The following RHOBTB2 variants were observed in gnomAD, a reference collection of about 807,000 sequenced individuals.
RHOBTB2 encodes Rho related BTB domain containing 2, also known as rho-related BTB domain-containing protein 2.
RHOBTB2 carries 39 observed loss-of-function variants against 66.5 expected under a neutral mutation model. The ratio of observed to expected loss-of-function variants is 0.59; its 90% CI spans 0.45 to 0.77. The LOEUF is 0.77. Ranked by LOEUF, RHOBTB2 falls within the 30% of genes least tolerant of loss-of-function variation. RHOBTB2 has a pLI of 0.00. For synonymous variants in RHOBTB2, 390 were observed against 395.0 expected (o/e 0.99, Z 0.15); for missense variants, 755 against 999.1 (o/e 0.76, Z 3.29).
At chr8:22,959,247 GTTT>G in the RHOBTB2 span, among the ~76,000 whole-genome samples, 25 of 8,230 alleles carry the variant, frequency 3.0e-3, no homozygotes, top group Admixed American at 5.1e-3. Flanking sequence ...TTCTTTTTTT[GTTT>G]GTTTGTTTGT....
chr8:22,991,473 G>A (rs888762045), intron 1 of RHOBTB2, among the ~76,000 whole-genome samples: 1 of 152,190 alleles, frequency 6.6e-6, no homozygotes, highest in Non-Finnish European at 1.5e-5. Flanking sequence ...AAGATGGGCT[G>A]GAGGGTCTTT....
chr8:22,992,165 C>A (rs1810442041), exon 2 of RHOBTB2: 2 of 152,210 alleles, frequency 1.3e-5, no homozygotes, highest in African/African-American at 4.8e-5. Context: ...GCAGAACCAA[C>A]TACCAAAGGA....
chr8:23,014,756 T>A lies in RHOBTB2; in HGVS notation c.1838T>A (p.Leu613His). 6.2e-7 allele frequency: 1 copy of A among 1,614,010 alleles called. No individual in the cohort carries two copies. The highest frequency in any genetic ancestry group is 8.5e-7 in the Non-Finnish European group (1 of 1,179,878). ...QMMVDIDGDV[L>H]VFLELAQFHC... ...ATGGTGGACATCGATGGGGACGTCC[T>A]TGTGTTCCTGGAACTGGCTCAGGTA... The change falls in exon 8 of 10, where the codon CTT becomes CAT. Residue 613 changes from leucine (L) to histidine (H), a missense_variant. Physicochemically the swap from Leu to His is moderately conservative, Grantham distance 99. Coordinates refer to ENST00000251822, the MANE Select transcript of RHOBTB2 (RefSeq NM_015178.3).
intron 5 of RHOBTB2, 114 bp from the exon 6 acceptor site, chr8:23,007,879 G>A: frequency 1.3e-6 from 2 of 1,487,388 alleles, no homozygotes; most frequent in Non-Finnish European, 1.9e-6. Context: ...GCTGGGAGCG[G>A]GTTTGTTCCG....
the RHOBTB2 span, among the ~76,000 whole-genome samples, chr8:22,951,794 T>G: frequency 6.6e-6 from 1 of 152,198 alleles, no homozygotes; most frequent in Non-Finnish European, 1.5e-5. Context: ...GATGTATACG[T>G]GCAGGTCACA....
upstream of RHOBTB2, among the ~76,000 whole-genome samples, chr8:22,985,772 C>T (rs1336217494): frequency 6.6e-6 from 1 of 152,186 alleles, no homozygotes; most frequent in Non-Finnish European, 1.5e-5. Context: ...TTCACAGGCA[C>T]TCCAATGCCC....
chr8:22,988,153 C>CTTTTTTTTTTTTTTTTTTTTTTT (rs34922844), intron 1 of RHOBTB2, among the ~76,000 whole-genome samples: 1 of 78,112 alleles, frequency 1.3e-5, no homozygotes, highest in Non-Finnish European at 2.5e-5. Context: ...GCTCCTTCCC[C>CTTTTTTTTTTTTTTTTTTTTTTT]TTTTTTTTTT....
chr8:22,998,431 A>C (rs956499294), upstream of RHOBTB2, among the ~76,000 whole-genome samples: 1 of 152,164 alleles, frequency 6.6e-6, no homozygotes, highest in African/African-American at 2.4e-5. Flanking sequence ...ACTACTTAAC[A>C]CTAGCAGTCA....
the RHOBTB2 span, among the ~76,000 whole-genome samples, chr8:22,976,517 A>G: frequency 6.6e-6 from 1 of 152,266 alleles, no homozygotes; most frequent in Non-Finnish European, 1.5e-5. Flanking sequence ...TCTACCCAAC[A>G]AAGTGCCAAA....
At position 23,004,410 on chromosome 8, in the gene RHOBTB2, C is replaced by T. The variant is rs1408743692; in HGVS notation, c.-10-15C>T. On this transcript the variant is annotated splice_polypyrimidine_tract_variant and intron_variant, in intron 1 of 9. Coordinates refer to ENST00000251822, the MANE Select transcript of RHOBTB2 (RefSeq NM_015178.3). The surrounding 1 kb of genome is among the most constrained non-coding windows in gnomAD (Gnocchi z 6.4). ...CATGCCATGCCGTCCTGACCGCCTC[C>T]CTCCTCTCCCTCAGGTCCCGTTTAA... The T allele has an allele frequency of 2.5e-6, 4 of 1,612,346 alleles. No homozygotes were observed. The highest frequency in any genetic ancestry group is 2.2e-5 in the South Asian group (2 of 91,008).
intron 2 of RHOBTB2, among the ~76,000 whole-genome samples, chr8:22,992,786 C>T (rs1239332568): frequency 1.3e-5 from 2 of 152,170 alleles, no homozygotes; most frequent in African/African-American, 4.8e-5. Context: ...TTACTGAAGT[C>T]GGAGATGTTT....
chr8:22,974,401 G>A, the RHOBTB2 span, among the ~76,000 whole-genome samples: 20 of 152,320 alleles, frequency 1.3e-4, no homozygotes, highest in South Asian at 1.5e-3. Context: ...GAGGCAAAGT[G>A]CGGGGTGCAG....
At chr8:22,997,581 G>T (rs537147311), upstream of RHOBTB2, among the ~76,000 whole-genome samples, 2 of 152,316 alleles carry the variant, frequency 1.3e-5, no homozygotes, top group South Asian at 4.1e-4. Context: ...GGCTGAGCTG[G>T]CTTTTTCTCC....
At chr8:22,956,948 C>T in the RHOBTB2 span, among the ~76,000 whole-genome samples, 3 of 152,180 alleles carry the variant, frequency 2.0e-5, no homozygotes, top group African/African-American at 7.2e-5. Flanking sequence ...GCATGAGCTA[C>T]GGTGCCCAGC....
chr8:22,986,448 G>A (rs1810290867), upstream of RHOBTB2, among the ~76,000 whole-genome samples: 2 of 151,452 alleles, frequency 1.3e-5, no homozygotes, highest in Admixed American at 6.6e-5. Flanking sequence ...TTGTAGAGAC[G>A]GGGTTTTGCT....
chr8:22,990,961 G>A (rs961027744), intron 1 of RHOBTB2, among the ~76,000 whole-genome samples: 10 of 152,098 alleles, frequency 6.6e-5, no homozygotes, highest in African/African-American at 9.7e-5. Flanking sequence ...AGGCTGTGTC[G>A]GGGGGAATAG....
chr8:23,019,975 T>G lies in RHOBTB2; in HGVS notation c.*2506T>G. ...ACCTAGCTCTTTAAACTCTGGGGAG[T>G]CGGATTCAGGAAACACCCCCAGGAG... On this transcript the variant is annotated 3_prime_UTR_variant, in exon 10 of 10. Coordinates refer to ENST00000251822, the MANE Select transcript of RHOBTB2 (RefSeq NM_015178.3). 1.0e-5 allele frequency: 3 copies of G among 295,822 alleles called. No homozygotes were observed. Among genetic ancestry groups the G allele is most frequent in the South Asian group, 3.1e-5 (1 of 32,496 alleles). The allele number at this position is 295,822 out of a possible 1,614,324, so 18.3% of individuals were successfully genotyped here. A position where few individuals can be genotyped will look rare whatever the true frequency, so the allele number is the denominator to read the frequency against.
At chr8:22,977,295 G>A in the RHOBTB2 span, among the ~76,000 whole-genome samples, 7 of 152,004 alleles carry the variant, frequency 4.6e-5, no homozygotes, top group South Asian at 2.1e-4. Flanking sequence ...GATATTTGTC[G>A]AAGGCCAGGT....
Position 22,999,689 on chromosome 8 carries a change from A to G in RHOBTB2, c.-427A>G. 1.7e-6 allele frequency: 2 copies of G among 1,202,560 alleles called. No individual in the cohort carries two copies. The highest frequency in any genetic ancestry group is 2.1e-6 in the Non-Finnish European group (2 of 949,106). 74.5% of individuals were successfully genotyped at this position (1,202,560 alleles called of 1,614,324 possible). A position where few individuals can be genotyped will look rare whatever the true frequency, so the allele number is the denominator to read the frequency against. ...GGTCGCGAGCGGTACCTGGGACTGC[A>G]GCGCCAGGCGTCTTCGCGGCAGCGC... is the stretch of plus-strand genomic sequence containing the variant. On this transcript the variant is annotated 5_prime_UTR_variant, in exon 1 of 10. Transcript: ENST00000251822.
Sources: gnomAD v4.1 joint callset for allele counts (sites outside exome capture counted in the v4.1 genomes callset) on GRCh38, gnomAD v4.1.1 for gene constraint, Gnocchi (gnomAD v3.1) non-coding constraint, MANE v1.5 for transcripts, NCBI Gene and HGNC (gene_info 2026-07-23, HGNC 2026-07-21) for gene names.